BLOC1S3: variants seen among roughly 807,000 people sequenced by gnomAD.
The protein encoded by BLOC1S3 is biogenesis of lysosome-related organelles complex 1 subunit 3.
In BLOC1S3, 7 loss-of-function variants were observed where a neutral mutation model predicts 9.1. That is an observed-to-expected ratio of 0.77 (90% CI 0.44 to 1.45). The LOEUF (loss-of-function observed/expected upper bound fraction) is 1.45, where lower values mean the gene tolerates loss of function less well. Ranked by LOEUF, BLOC1S3 falls within the 40% of genes most tolerant of loss-of-function variation. The pLI is 0.01. For missense variants in BLOC1S3, 307 were observed against 315.2 expected (o/e 0.97, Z 0.20); for synonymous variants, 145 against 158.4 (o/e 0.92, Z 0.64).
chr19:45,197,275 T>A (rs1432202665), intron 2 of BLOC1S3, among the ~76,000 whole-genome samples: 1 of 151,820 alleles, frequency 6.6e-6, no homozygotes, highest in African/African-American at 2.4e-5. Flanking sequence ...TTGCTAGAGC[T>A]CAGGAGTTCA....
chr19:45,195,835 T>G (rs1008960421), intron 2 of BLOC1S3, among the ~76,000 whole-genome samples: 1 of 152,178 alleles, frequency 6.6e-6, no homozygotes, highest in African/African-American at 2.4e-5. Context: ...CTTCAGGTGA[T>G]CCACCCGCCT....
rs1969507544 is a variant in BLOC1S3, at chr19:45,180,635, T to C, written c.*730T>C. ...CCGTTCTTCCCACAAGAACCCAGGA[T>C]GTGGCACAGCTTCCCTGCCGTCTTC... On this transcript the variant is annotated 3_prime_UTR_variant, in exon 2 of 2. Transcript: ENST00000433642. 6.0e-6 allele frequency: 1 copy of C among 167,198 alleles called. No individual in the cohort carries two copies. The highest frequency in any genetic ancestry group is 2.4e-5 in the African/African-American group (1 of 41,456). The allele number at this position is 167,198 out of a possible 1,614,324, so 10.4% of individuals were successfully genotyped here. A position where few individuals can be genotyped will look rare whatever the true frequency, so the allele number is the denominator to read the frequency against.
chr19:45,206,943 T>C (rs1969731990), intron 3 of BLOC1S3, among the ~76,000 whole-genome samples: 1 of 152,058 alleles, frequency 6.6e-6, no homozygotes, highest in African/African-American at 2.4e-5. Context: ...GTTCAACTGA[T>C]TCCCCTGCCT....
chr19:45,180,235 A>AATTTTTTTTTT lies in BLOC1S3; in HGVS notation c.*330_*331insATTTTTTTTTT, dbSNP rs1555752038. ...CTGTTTCCACCCTGGGGGCTCACCA[A>AATTTTTTTTTT]TTTTTTTTTTTTTTTTTTTTTTTTG... On this transcript the variant is annotated 3_prime_UTR_variant, in exon 2 of 2. Transcript: ENST00000433642. 1 of 90,224 alleles carries AATTTTTTTTTT rather than the reference A, an allele frequency of 1.1e-5. No homozygotes were observed. The highest frequency in any genetic ancestry group is 5.6e-5 in the African/African-American group (1 of 17,848). 5.6% of individuals were successfully genotyped at this position (90,224 alleles called of 1,614,324 possible).
intron 2 of BLOC1S3, among the ~76,000 whole-genome samples, chr19:45,190,449 G>A (rs1969595969): frequency 6.6e-6 from 1 of 151,680 alleles, no homozygotes; most frequent in Admixed American, 6.6e-5. Flanking sequence ...ACCCAGGCTG[G>A]AGTGCAGTGC....
intron 3 of BLOC1S3, chr19:45,202,527 G>A (rs1440975021): frequency 6.6e-6 from 1 of 152,316 alleles, no homozygotes; most frequent in East Asian, 1.9e-4. Flanking sequence ...GCCAGGCCTG[G>A]GTCTTTTCCT....
intron 3 of BLOC1S3, chr19:45,216,082 G>C (rs376151016): frequency 6.2e-7 from 1 of 1,613,790 alleles, no homozygotes; most frequent in Non-Finnish European, 8.5e-7. Flanking sequence ...CCTGATGTCT[G>C]GGTAGTCGCG....
chr19:45,184,752 T>C (rs1232987132), downstream of BLOC1S3, among the ~76,000 whole-genome samples: 1 of 151,458 alleles, frequency 6.6e-6, no homozygotes. Flanking sequence ...TACAAAAAAT[T>C]AGCTGGGCAC....
chr19:45,189,556 C>T (rs907764714), intron 2 of BLOC1S3, among the ~76,000 whole-genome samples: 4 of 151,378 alleles, frequency 2.6e-5, no homozygotes, highest in African/African-American at 9.7e-5. Context: ...CCTAAGCCTC[C>T]CGAATAGCTG....
intron 2 of BLOC1S3, among the ~76,000 whole-genome samples, chr19:45,195,285 T>C (rs187182439): frequency 6.6e-6 from 1 of 152,210 alleles, no homozygotes; most frequent in African/African-American, 2.4e-5. Flanking sequence ...TGGCTAACTG[T>C]AGCCTAGACC....
At chr19:45,206,462 T>TTTTTTTGTTTTTTG (rs1555754637) in intron 3 of BLOC1S3, among the ~76,000 whole-genome samples, 2 of 115,446 alleles carry the variant, frequency 1.7e-5, no homozygotes, top group Non-Finnish European at 3.5e-5. Flanking sequence ...TTTTTTTTTT[T>TTTTTTTGTTTTTTG]TTTTTTTTTT....
Position 45,180,235 on chromosome 19 carries a change from A to AATTTTTTTTTTTTTTTTTTTTTTT in BLOC1S3, c.*330_*331insATTTTTTTTTTTTTTTTTTTTTTT, listed in dbSNP as rs1555752038. On this transcript the variant is annotated 3_prime_UTR_variant, in exon 2 of 2. Transcript: ENST00000433642. ...CTGTTTCCACCCTGGGGGCTCACCA[A>AATTTTTTTTTTTTTTTTTTTTTTT]TTTTTTTTTTTTTTTTTTTTTTTTG... is the stretch of plus-strand genomic sequence containing the variant. 3 of 90,226 alleles carry AATTTTTTTTTTTTTTTTTTTTTTT rather than the reference A, an allele frequency of 3.3e-5. No individual in the cohort carries two copies. Among genetic ancestry groups the AATTTTTTTTTTTTTTTTTTTTTTT allele is most frequent in the African/African-American group, 1.7e-4 (3 of 17,880 alleles). 5.6% of individuals were successfully genotyped at this position (90,226 alleles called of 1,614,324 possible). A position where few individuals can be genotyped will look rare whatever the true frequency, so the allele number is the denominator to read the frequency against.
chr19:45,186,353 G>A (rs1487201714), downstream of BLOC1S3, among the ~76,000 whole-genome samples: 3 of 152,044 alleles, frequency 2.0e-5, no homozygotes, highest in Non-Finnish European at 4.4e-5. Context: ...TTTAGAGATG[G>A]GATCTCACTA....
downstream of BLOC1S3, among the ~76,000 whole-genome samples, chr19:45,181,993 TG>T (rs1319143859): frequency 6.6e-6 from 1 of 152,192 alleles, no homozygotes; most frequent in Non-Finnish European, 1.5e-5. Context: ...ACACACGTTT[TG>T]GGTACCTGAC....
intron 3 of BLOC1S3, among the ~76,000 whole-genome samples, chr19:45,213,713 G>A (rs896277553): frequency 2.6e-5 from 4 of 151,984 alleles, no homozygotes; most frequent in Non-Finnish European, 5.9e-5. Context: ...GGGGGGCCAA[G>A]GCAGGCGGAT....
intron 3 of BLOC1S3, chr19:45,213,182 T>G: frequency 6.2e-7 from 1 of 1,604,914 alleles, no homozygotes; most frequent in Non-Finnish European, 8.5e-7. Flanking sequence ...AGAGGGAGGC[T>G]GAGACAGAAA....
chr19:45,187,334 G>A (rs1254135252), upstream of BLOC1S3: 2 of 152,376 alleles, frequency 1.3e-5, no homozygotes, highest in Non-Finnish European at 2.9e-5. Flanking sequence ...TTTCCAGAGC[G>A]GCTTCACAGC....
downstream of BLOC1S3, among the ~76,000 whole-genome samples, chr19:45,185,764 C>T (rs924418916): frequency 6.6e-6 from 1 of 151,480 alleles, no homozygotes; most frequent in African/African-American, 2.4e-5. Flanking sequence ...CCTGGGGAGC[C>T]AAGGCAAGTT....
At chr19:45,206,353 CAAAAAAAAA>C (rs529931068) in intron 3 of BLOC1S3, among the ~76,000 whole-genome samples, 9 of 83,902 alleles carry the variant, frequency 1.1e-4, no homozygotes, top group African/African-American at 4.3e-4. Context: ...GTGAAACTCT[CAAAAAAAAA>C]AAAAAAAAAA....
Sources: gnomAD v4.1 joint callset for allele counts (sites outside exome capture counted in the v4.1 genomes callset) on GRCh38, gnomAD v4.1.1 for gene constraint, MANE v1.5 for transcripts, NCBI Gene and HGNC (gene_info 2026-07-23, HGNC 2026-07-21) for gene names.